The following LUZP2 variants were observed in gnomAD, a reference collection of about 807,000 sequenced individuals.
LUZP2 encodes the protein leucine zipper protein 2.
In LUZP2, 52 loss-of-function variants were observed where a neutral mutation model predicts 51.6. The ratio of observed to expected loss-of-function variants is 1.01; its 90% CI spans 0.81 to 1.27. The LOEUF is 1.27. LUZP2 is among the 50% of genes most tolerant of loss of function. The pLI is 0.00. For synonymous variants in LUZP2, 154 were observed against 137.3 expected, an observed-to-expected ratio of 1.12 and a Z score of -0.85; for missense variants, 436 against 395.4, an observed-to-expected ratio of 1.10 and a Z score of -0.87.
intron 6 of LUZP2, among the ~76,000 whole-genome samples, chr11:24,914,004 G>A (rs1014918995): frequency 6.6e-6 from 1 of 152,022 alleles, no homozygotes; most frequent in Non-Finnish European, 1.5e-5. Flanking sequence ...ATTCAGCTCA[G>A]CATGTTAGTA....
intron 9 of LUZP2, among the ~76,000 whole-genome samples, chr11:25,045,797 G>T (rs1858287180): frequency 6.6e-6 from 1 of 151,878 alleles, no homozygotes; most frequent in African/African-American, 2.4e-5. Context: ...CTCAGAACTT[G>T]TTTGTCAGTT....
At chr11:24,561,253 A>G (rs1437315434) in intron 1 of LUZP2, among the ~76,000 whole-genome samples, 1 of 152,232 alleles carries the variant, frequency 6.6e-6, no homozygotes, top group Non-Finnish European at 1.5e-5. Context: ...ATTGACAATA[A>G]TAATTGCAGG....
intron 7 of LUZP2, among the ~76,000 whole-genome samples, chr11:24,925,792 C>T (rs1436169662): frequency 2.0e-5 from 3 of 151,804 alleles, no homozygotes; most frequent in Non-Finnish European, 4.4e-5. Flanking sequence ...TGTTTGCTTA[C>T]ATGAATTAGT....
At chr11:24,706,972 A>G (rs548612134) in intron 1 of LUZP2, among the ~76,000 whole-genome samples, 42 of 149,882 alleles carry the variant, frequency 2.8e-4, no homozygotes, top group African/African-American at 1.0e-3. Flanking sequence ...ACACATCCAA[A>G]TAGTTAATCA....
At chr11:24,957,489 G>A (rs1332873451) in intron 7 of LUZP2, among the ~76,000 whole-genome samples, 1 of 151,802 alleles carries the variant, frequency 6.6e-6, no homozygotes, top group Non-Finnish European at 1.5e-5. Context: ...TGTACCCTTT[G>A]ACTTCATCTT....
chr11:25,052,670 A>G (rs1011428751), intron 10 of LUZP2, among the ~76,000 whole-genome samples: 1 of 152,204 alleles, frequency 6.6e-6, no homozygotes, highest in African/African-American at 2.4e-5. Context: ...AGCAGTATCA[A>G]AATACTGACT....
chr11:24,921,242 G>A (rs2133816022), intron 7 of LUZP2, among the ~76,000 whole-genome samples: 1 of 152,256 alleles, frequency 6.6e-6, no homozygotes, highest in East Asian at 1.9e-4. Flanking sequence ...GGAACCACAT[G>A]TGCGGCAGAA....
intron 1 of LUZP2, among the ~76,000 whole-genome samples, chr11:24,568,599 A>C (rs1852326353): frequency 6.6e-6 from 1 of 152,004 alleles, no homozygotes; most frequent in Non-Finnish European, 1.5e-5. Context: ...TAATGGGCAA[A>C]AGAAAATAAG....
At chr11:24,664,321 T>C (rs1731336183) in intron 1 of LUZP2, among the ~76,000 whole-genome samples, 1 of 152,124 alleles carries the variant, frequency 6.6e-6, no homozygotes, top group African/African-American at 2.4e-5. Context: ...GGGTATCATG[T>C]GTAAGAAATT....
At chr11:24,510,749 T>C (rs1020829028) in intron 1 of LUZP2, among the ~76,000 whole-genome samples, 12 of 152,192 alleles carry the variant, frequency 7.9e-5, no homozygotes, top group Admixed American at 6.5e-5. Context: ...TACTTCAAGC[T>C]AAAAATTCAT....
chr11:24,841,033 T>C (rs557199374), intron 5 of LUZP2, among the ~76,000 whole-genome samples: 84 of 152,126 alleles, frequency 5.5e-4, no homozygotes, highest in Non-Finnish European at 8.2e-4. Context: ...TTGTTAACCA[T>C]GTAGTATGCA....
intron 5 of LUZP2, among the ~76,000 whole-genome samples, chr11:24,828,567 A>G (rs1005190765): frequency 6.6e-6 from 1 of 152,032 alleles, no homozygotes; most frequent in African/African-American, 2.4e-5. Flanking sequence ...AGAAAAAAAA[A>G]AAAAAAAACA....
chr11:24,894,265 C>T (rs542339935), intron 5 of LUZP2, among the ~76,000 whole-genome samples: 2 of 150,406 alleles, frequency 1.3e-5, no homozygotes, highest in South Asian at 4.2e-4. Context: ...ACCTCCGCCT[C>T]CCGGGTTCAA....
intron 1 of LUZP2, among the ~76,000 whole-genome samples, chr11:24,501,927 G>T (rs1850006742): frequency 6.6e-6 from 1 of 152,092 alleles, no homozygotes; most frequent in Non-Finnish European, 1.5e-5. Flanking sequence ...ACTTTCCAAG[G>T]ATATTGAAAA....
chr11:24,821,364 C>T (rs958941578), intron 5 of LUZP2, among the ~76,000 whole-genome samples: 3 of 152,108 alleles, frequency 2.0e-5, no homozygotes, highest in Non-Finnish European at 2.9e-5. Context: ...TAAGTACATT[C>T]CGTTCTCCAG....
chr11:24,878,507 T>G (rs2134286003), intron 5 of LUZP2, among the ~76,000 whole-genome samples: 1 of 152,248 alleles, frequency 6.6e-6, no homozygotes, highest in Non-Finnish European at 1.5e-5. Flanking sequence ...GTTTGACTAT[T>G]AAATACATTG....
Position 25,043,270 on chromosome 11 carries a change from T to C in LUZP2, c.766-6768T>C, listed in dbSNP as rs558636114. On this transcript the variant is annotated intron_variant, in intron 9 of 11. Transcript: ENST00000336930. ...CTTAATATCATCAAATCCTTTGTCATATAAAGTAGAACATTGACATATCTT... is the reference window on the plus strand; with the variant it reads ...CTTAATATCATCAAATCCTTTGTCACATAAAGTAGAACATTGACATATCTT... 3.3e-5 allele frequency among the ~76,000 whole-genome samples: 5 copies of C among 152,292 alleles called. No individual in the cohort carries two copies. In the East Asian group the frequency reaches 9.7e-4, roughly 29 times the overall value.
In LUZP2 at chr11:24,611,117, T is replaced by A. The variant is rs1854104326; in HGVS notation, c.62+113812T>A. On this transcript the variant is annotated intron_variant, in intron 1 of 11. Transcript: ENST00000336930. This position sits in a 1 kb window ranked among gnomAD's most constrained non-coding sequence, Gnocchi z 4.6. Reference sequence around the variant, plus strand: ...TGTTTTGGCTATCCGAAGTAACATATAAGTGACTTTTATTTATATTACATT... The same window carrying A: ...TGTTTTGGCTATCCGAAGTAACATAAAAGTGACTTTTATTTATATTACATT... Among the ~76,000 whole-genome samples, 1 of 152,128 alleles carries A rather than the reference T, an allele frequency of 6.6e-6. No individual in the cohort carries two copies. The highest frequency in any genetic ancestry group is 2.4e-5 in the African/African-American group (1 of 41,428).
At chr11:24,942,185 G>T (rs1294692801) in intron 7 of LUZP2, among the ~76,000 whole-genome samples, 1 of 152,140 alleles carries the variant, frequency 6.6e-6, no homozygotes, top group African/African-American at 2.4e-5. Context: ...CTCACACAGA[G>T]ATCTTTGTAT....
Sources: allele counts gnomAD v4.1 joint callset (sites outside exome capture counted in the v4.1 genomes callset), GRCh38; gene constraint gnomAD v4.1.1; non-coding constraint Gnocchi (gnomAD v3.1); transcripts MANE v1.5; gene names NCBI Gene and HGNC (gene_info 2026-07-23, HGNC 2026-07-21).